The following SLC44A5 variants were observed in gnomAD, a reference collection of about 807,000 sequenced individuals.
The protein encoded by SLC44A5 is choline transporter-like protein 5.
In SLC44A5, 57 loss-of-function variants were observed where a neutral mutation model predicts 101.8. The ratio of observed to expected loss-of-function variants is 0.56; its 90% CI spans 0.45 to 0.70. The LOEUF (loss-of-function observed/expected upper bound fraction) is 0.70. Ranked by LOEUF, SLC44A5 falls within the 30% of genes least tolerant of loss-of-function variation. The pLI is 0.00. For missense variants in SLC44A5, 737 were observed against 853.1 expected (o/e 0.86, Z 1.70); for synonymous variants, 281 against 290.9 (o/e 0.97, Z 0.35).
At chr1:75,579,705 A>C (rs984981655) in intron 1 of SLC44A5, among the ~76,000 whole-genome samples, 4 of 152,174 alleles carry the variant, frequency 2.6e-5, no homozygotes, top group Non-Finnish European at 5.9e-5. Context: ...TAATGAAAAA[A>C]GGTTTCTCAA....
chr1:75,639,245 G>A, the SLC44A5 span, among the ~76,000 whole-genome samples: 3 of 152,068 alleles, frequency 2.0e-5, no homozygotes, highest in East Asian at 1.9e-4. Context: ...TAATGCATAC[G>A]TTAATCAGCT....
chr1:75,656,115 T>G, the SLC44A5 span, among the ~76,000 whole-genome samples: 3 of 152,136 alleles, frequency 2.0e-5, no homozygotes, highest in Non-Finnish European at 2.9e-5. Flanking sequence ...ATCTTCAAAG[T>G]GCTGAAGGGA....
chr1:75,621,645 T>C, the SLC44A5 span, among the ~76,000 whole-genome samples: 1 of 152,040 alleles, frequency 6.6e-6, no homozygotes, highest in South Asian at 2.1e-4. Context: ...ATAACAAATG[T>C]CCCACCAATT....
At chr1:75,219,156 A>G in intron 16 of SLC44A5, 101 bp downstream of exon 16, 2 of 834,738 alleles carry the variant, frequency 2.4e-6, no homozygotes, top group South Asian at 2.9e-5. Flanking sequence ...CCATCAGTGT[A>G]TAGGATCTCT....
At chr1:75,600,606 T>C (rs1674917928) in intron 1 of SLC44A5, among the ~76,000 whole-genome samples, 2 of 152,174 alleles carry the variant, frequency 1.3e-5, no homozygotes, top group Non-Finnish European at 1.5e-5. Context: ...ATGTGCCACA[T>C]AATGACATTT....
the SLC44A5 span, among the ~76,000 whole-genome samples, chr1:75,671,127 G>A: frequency 6.6e-6 from 1 of 152,168 alleles, no homozygotes; most frequent in African/African-American, 2.4e-5. Context: ...GGAGTGGTTT[G>A]TTTGAATAAC....
At chr1:75,274,908 G>T (rs746199767) in intron 6 of SLC44A5, 50 bp downstream of exon 6, 3 of 1,402,756 alleles carry the variant, frequency 2.1e-6, no homozygotes, top group African/African-American at 2.8e-5. Flanking sequence ...TGATATCTAG[G>T]TTCCAGTTTA....
intron 1 of SLC44A5, among the ~76,000 whole-genome samples, chr1:75,609,882 G>A (rs147680521): frequency 6.6e-6 from 1 of 152,132 alleles, no homozygotes; most frequent in African/African-American, 2.4e-5. Flanking sequence ...ACAAGAGTAA[G>A]CATTTATTAT....
In SLC44A5 at chr1:75,236,994, T is replaced by A; in HGVS notation, c.733A>T (p.Ile245Phe). 2 of 1,585,950 alleles carry A rather than the reference T, an allele frequency of 1.3e-6. No homozygotes were observed. The highest frequency in any genetic ancestry group is 8.6e-7 in the Non-Finnish European group (1 of 1,157,760). Reference protein sequence around the residue: ...FEDYARTWYWILIGLTIAMVL... With the variant: ...FEDYARTWYWFLIGLTIAMVL... ...CTATGTGTTTTCACTTACATGAGAA[T>A]CCAATACCAAGTTCTTGCATAGTCT... is the stretch of plus-strand genomic sequence containing the variant. Residue 245 changes from isoleucine to phenylalanine, a missense_variant, in exon 11 of 24, where the codon ATT becomes TTT. By Grantham distance (21) the Ile-to-Phe change is conservative. Around this residue, in one of 3 missense-constraint regions of SLC44A5, gnomAD observed 665 missense variants for 764.4 expected, o/e 0.87. Transcript: ENST00000370859.
chr1:75,487,437 G>A (rs1300538015), intron 2 of SLC44A5, among the ~76,000 whole-genome samples: 1 of 152,166 alleles, frequency 6.6e-6, no homozygotes. Context: ...ATAGAGTTTG[G>A]CACTTTCAAA....
At chr1:75,391,116 C>T (rs747557660) in intron 3 of SLC44A5, among the ~76,000 whole-genome samples, 7 of 151,770 alleles carry the variant, frequency 4.6e-5, no homozygotes, top group Admixed American at 2.0e-4. Flanking sequence ...AAATAAAATA[C>T]CTAGGAATAC....
At chr1:75,486,448 C>G (rs1395074738) in intron 2 of SLC44A5, among the ~76,000 whole-genome samples, 3 of 152,244 alleles carry the variant, frequency 2.0e-5, no homozygotes, top group Non-Finnish European at 4.4e-5. Flanking sequence ...ATGTTTTACT[C>G]TTATTCTATT....
intron 1 of SLC44A5, among the ~76,000 whole-genome samples, chr1:75,569,739 G>T (rs1464746591): frequency 2.0e-5 from 3 of 152,166 alleles, no homozygotes; most frequent in African/African-American, 7.2e-5. Context: ...GTACTTAGTT[G>T]TCTGCTCTTC....
At chr1:75,625,986 T>A in the SLC44A5 span, among the ~76,000 whole-genome samples, 1 of 152,166 alleles carries the variant, frequency 6.6e-6, no homozygotes, top group Non-Finnish European at 1.5e-5. Flanking sequence ...CATATAGTTA[T>A]CTGCTGAGTT....
chr1:75,545,399 T>C (rs1445636197), intron 1 of SLC44A5, among the ~76,000 whole-genome samples: 1 of 152,222 alleles, frequency 6.6e-6, no homozygotes, highest in Non-Finnish European at 1.5e-5. Context: ...GGTCAAATGG[T>C]ATTTCTAGTT....
intron 1 of SLC44A5, among the ~76,000 whole-genome samples, chr1:75,580,432 C>T (rs969020316): frequency 4.6e-5 from 7 of 152,144 alleles, no homozygotes; most frequent in South Asian, 2.1e-4. Context: ...TCCATAGCTG[C>T]TTGTTCATGG....
At chr1:75,537,021 AAAAAAAAAAAAAATAT>A (rs1289683893) in intron 2 of SLC44A5, among the ~76,000 whole-genome samples, 1 of 39,348 alleles carries the variant, frequency 2.5e-5, no homozygotes, top group Non-Finnish European at 1.0e-4. Flanking sequence ...AAAAAAAAAA[AAAAAAAAAAAAAATAT>A]ATATCTATGC....
At chr1:75,621,674 C>T in the SLC44A5 span, among the ~76,000 whole-genome samples, 2 of 151,928 alleles carry the variant, frequency 1.3e-5, no homozygotes, top group South Asian at 4.2e-4. Context: ...ATTGTAACAT[C>T]GAAGGATGTC....
intron 2 of SLC44A5, among the ~76,000 whole-genome samples, chr1:75,401,501 T>G (rs1662472269): frequency 6.6e-6 from 1 of 152,174 alleles, no homozygotes. Flanking sequence ...GTATGATGGT[T>G]GGCAGCCTCA....
Sources: gnomAD v4.1 joint callset for allele counts (sites outside exome capture counted in the v4.1 genomes callset) on GRCh38, gnomAD v4.1.1 for gene constraint, gnomAD v4.1.1 regional missense constraint, MANE v1.5 for transcripts, NCBI Gene and HGNC (gene_info 2026-07-23, HGNC 2026-07-21) for gene names.